ATXN8OS: variants seen among roughly 807,000 people sequenced by gnomAD.
ATXN8OS encodes the protein ATXN8 opposite strand lncRNA.
chr13:70,147,754 G>A (rs1888806839), intron 4 of ATXN8OS, among the ~76,000 whole-genome samples: 1 of 152,110 alleles, frequency 6.6e-6, no homozygotes, highest in Admixed American at 6.6e-5. Flanking sequence ...AAGGACCATG[G>A]CCTGTGACAC....
At chr13:70,135,453 C>T (rs979290823) in intron 3 of ATXN8OS, among the ~76,000 whole-genome samples, 3 of 151,954 alleles carry the variant, frequency 2.0e-5, no homozygotes, top group African/African-American at 2.4e-5. Context: ...TCTCACTCTA[C>T]ACTCCCTTTT....
chr13:70,128,906 A>C (rs1888484522), intron 2 of ATXN8OS, among the ~76,000 whole-genome samples: 1 of 150,552 alleles, frequency 6.6e-6, no homozygotes, highest in Non-Finnish European at 1.5e-5. Flanking sequence ...TGTTGCCCAC[A>C]CTGGAGTGCA....
intron 3 of ATXN8OS, among the ~76,000 whole-genome samples, chr13:70,143,136 T>A (rs894303643): frequency 6.6e-6 from 1 of 152,218 alleles, no homozygotes; most frequent in African/African-American, 2.4e-5. Flanking sequence ...CTACATTTAA[T>A]CTCTTTCTAA....
chr13:70,146,237 T>C, intron 3 of ATXN8OS, among the ~76,000 whole-genome samples: 1 of 147,254 alleles, frequency 6.8e-6, no homozygotes, highest in Admixed American at 6.8e-5. Flanking sequence ...CCAGTTAGAA[T>C]GGCGATCATT....
At chr13:70,127,475 TAG>T (rs1055502975) in intron 2 of ATXN8OS, among the ~76,000 whole-genome samples, 2 of 152,138 alleles carry the variant, frequency 1.3e-5, no homozygotes, top group Non-Finnish European at 2.9e-5. Flanking sequence ...TAAACTAACA[TAG>T]AGAGGTATAT....
At chr13:70,167,767 G>A (rs1028455023) in intron 4 of ATXN8OS, among the ~76,000 whole-genome samples, 1 of 109,878 alleles carries the variant, frequency 9.1e-6, no homozygotes, top group Non-Finnish European at 1.6e-5. Flanking sequence ...ACAGAGTCTC[G>A]CTCTGTTGCC....
intron 2 of ATXN8OS, among the ~76,000 whole-genome samples, chr13:70,122,225 A>C (rs957613365): frequency 2.0e-5 from 3 of 151,802 alleles, no homozygotes; most frequent in African/African-American, 7.2e-5. Flanking sequence ...AAAACTCAAA[A>C]ATTTTACTCT....
At chr13:70,119,469 C>G (rs1436476930) in intron 2 of ATXN8OS, among the ~76,000 whole-genome samples, 2 of 152,100 alleles carry the variant, frequency 1.3e-5, no homozygotes, top group Non-Finnish European at 2.9e-5. Flanking sequence ...GGGTTGTGAT[C>G]TCTAATAAAT....
chr13:70,171,073 C>A (rs1490474841), exon 5 of ATXN8OS, among the ~76,000 whole-genome samples: 1 of 152,082 alleles, frequency 6.6e-6, no homozygotes, highest in Non-Finnish European at 1.5e-5. Context: ...TTTAATTGAG[C>A]AAAGAACTAG....
Position 70,160,829 on chromosome 13 carries a change from TTA to T in ATXN8OS, n.574-8915_574-8914del, listed in dbSNP as rs1300559739. Among the ~76,000 whole-genome samples the T allele has an allele frequency of 5.0e-3, 68 of 13,686 alleles. 28 individuals carry two copies. Among genetic ancestry groups the T allele is most frequent in the Non-Finnish European group, 0.024 (58 of 2,408 alleles). 9.0% of individuals were successfully genotyped at this position (13,686 alleles called of 152,430 possible). A position where few individuals can be genotyped will look rare whatever the true frequency, so the allele number is the denominator to read the frequency against. ...ATTATAAATATATATAAATATATATTTATATATATAAATATATTTATATTTTA... is the reference window on the plus strand; with the variant it reads ...ATTATAAATATATATAAATATATATTTATATATAAATATATTTATATTTTA... On this transcript the variant is annotated intron_variant and non_coding_transcript_variant, in intron 4 of 4. Coordinates refer to ENST00000678624, the Ensembl canonical transcript of ATXN8OS.
intron 1 of ATXN8OS, among the ~76,000 whole-genome samples, chr13:70,109,603 A>G (rs1031406295): frequency 1.3e-5 from 2 of 152,202 alleles, no homozygotes; most frequent in African/African-American, 4.8e-5. Flanking sequence ...AAAAATCACT[A>G]TAGTGCTTTT....
intron 2 of ATXN8OS, among the ~76,000 whole-genome samples, chr13:70,119,341 T>C (rs1204200577): frequency 6.6e-6 from 1 of 152,106 alleles, no homozygotes; most frequent in Non-Finnish European, 1.5e-5. Context: ...TTACAGGCTA[T>C]AGAGAGTTAT....
At chr13:70,114,389 A>T (rs1284996370) in intron 1 of ATXN8OS, among the ~76,000 whole-genome samples, 1 of 152,178 alleles carries the variant, frequency 6.6e-6, no homozygotes, top group East Asian at 1.9e-4. Flanking sequence ...GACTTCACAC[A>T]ATAATATACT....
rs1555298511 is a variant in ATXN8OS, at chr13:70,112,920, A to ATATATATTT, written n.241-2220_241-2219insATATATTTT. Among the ~76,000 whole-genome samples the ATATATATTT allele has an allele frequency of 2.0e-3, 178 of 87,566 alleles. 1 individual carries two copies. The highest frequency in any genetic ancestry group is 0.012 in the South Asian group (33 of 2,652). The allele number at this position is 87,566 out of a possible 152,430, so 57.4% of individuals were successfully genotyped here. A position where few individuals can be genotyped will look rare whatever the true frequency, so the allele number is the denominator to read the frequency against. On this transcript the variant is annotated intron_variant and non_coding_transcript_variant, in intron 1 of 4. Coordinates refer to ENST00000678624, the Ensembl canonical transcript of ATXN8OS. ...ACTGCTGAGGGACTTTATATATATAATTTTTTTTTTTTTTTTTTTTGAGAT... is the reference window on the plus strand; with the variant it reads ...ACTGCTGAGGGACTTTATATATATAATATATATTTTTTTTTTTTTTTTTTTTTTTGAGAT...
At chr13:70,123,790 T>A (rs1337763799) in intron 2 of ATXN8OS, among the ~76,000 whole-genome samples, 1 of 152,082 alleles carries the variant, frequency 6.6e-6, no homozygotes, top group Non-Finnish European at 1.5e-5. Context: ...ACTTAGTGCC[T>A]GAGGTTGTCA....
chr13:70,152,569 C>A (rs1383720110), intron 4 of ATXN8OS, among the ~76,000 whole-genome samples: 3 of 151,824 alleles, frequency 2.0e-5, no homozygotes, highest in African/African-American at 4.8e-5. Context: ...TGATTTAGGG[C>A]TTTTTTTCAC....
Position 70,139,514 on chromosome 13 carries a change from TCTTA to T in ATXN8OS, n.500-7836_500-7833del, listed in dbSNP as rs541890161. 312 of 526,738 alleles carry T rather than the reference TCTTA, an allele frequency of 5.9e-4. 2 individuals carry two copies. Among genetic ancestry groups the T allele is most frequent in the African/African-American group, 1.3e-3 (70 of 52,002 alleles). The allele number at this position is 526,738 out of a possible 1,614,324, so 32.6% of individuals were successfully genotyped here. On this transcript the variant is annotated intron_variant and non_coding_transcript_variant, in intron 3 of 4. Coordinates refer to ENST00000678624, the Ensembl canonical transcript of ATXN8OS. ...TCCACACTTCCTCATACTGCTTATCTCTTACTTAAGAATTTATGAATAAAGAATT... is the reference window on the plus strand; with the variant it reads ...TCCACACTTCCTCATACTGCTTATCTCTTAAGAATTTATGAATAAAGAATT...
chr13:70,170,014 G>C (rs1349359212), exon 5 of ATXN8OS, among the ~76,000 whole-genome samples: 1 of 152,068 alleles, frequency 6.6e-6, no homozygotes, highest in Non-Finnish European at 1.5e-5. Flanking sequence ...GCATTTCCTT[G>C]TTCTCTTGGC....
intron 3 of ATXN8OS, among the ~76,000 whole-genome samples, chr13:70,146,780 A>G (rs1280734970): frequency 1.4e-5 from 2 of 141,986 alleles, no homozygotes; most frequent in African/African-American, 5.1e-5. Context: ...CGGGGGAGGG[A>G]AGAGGGATAG....
Sources: gnomAD v4.1 joint callset for allele counts (sites outside exome capture counted in the v4.1 genomes callset) on GRCh38, gnomAD v4.1.1 for gene constraint, MANE v1.5 for transcripts, NCBI Gene and HGNC (gene_info 2026-07-23, HGNC 2026-07-21) for gene names.